NLRP8: variants seen among roughly 807,000 people sequenced by gnomAD.
NLRP8 encodes the protein NACHT, LRR and PYD domains-containing protein 8.
A neutral mutation model predicts 88.7 loss-of-function variants in NLRP8; 86 were observed. The observed-to-expected ratio is 0.97, with a 90% CI of 0.81 to 1.16. The LOEUF is 1.16. NLRP8 is among the 50% of genes most tolerant of loss of function. NLRP8 has a pLI of 0.00. For missense variants in NLRP8, 1,342 were observed against 1,286.5 expected (o/e 1.04, Z -0.66); for synonymous variants, 504 against 494.6 (o/e 1.02, Z -0.25).
intron 9 of NLRP8, among the ~76,000 whole-genome samples, chr19:55,983,454 A>G: frequency 9.5e-6 from 1 of 105,086 alleles, no homozygotes; most frequent in African/African-American, 4.2e-5. Flanking sequence ...ACAGAATGAG[A>G]CTCCATCTCA....
Position 55,955,175 on chromosome 19 carries a change from A to C in NLRP8, c.1117A>C (p.Thr373Pro). The C allele has an allele frequency of 1.2e-6, 2 of 1,614,146 alleles. No homozygotes were observed. Among genetic ancestry groups the C allele is most frequent in the Non-Finnish European group, 1.7e-6 (2 of 1,179,986 alleles). ...GTATTTCCAGATGTATTTTGGACAC[A>C]CAGAGGAGGGAGACCAAGTCTTGAG... Residue 373 changes from threonine to proline, a missense_variant, in exon 3 of 10, where the codon ACA becomes CCA. Coordinates refer to ENST00000291971, the MANE Select transcript of NLRP8 (RefSeq NM_176811.2).
rs139378211 is a variant in NLRP8, at chr19:55,972,428, G to A, written c.2535-1224G>A. ...CTGCACCTAGTCTTTTTTTTTTTCAGGTTTTAATTTTTATTTCAATAAGTT... is the reference window on the plus strand; with the variant it reads ...CTGCACCTAGTCTTTTTTTTTTTCAAGTTTTAATTTTTATTTCAATAAGTT... On this transcript the variant is annotated intron_variant, in intron 6 of 9. Transcript: ENST00000291971. 3.9e-3 allele frequency among the ~76,000 whole-genome samples: 582 copies of A among 150,726 alleles called. 6 individuals carry two copies. The highest frequency in any genetic ancestry group is 0.014 in the African/African-American group (556 of 41,106).
Position 55,957,675 on chromosome 19 carries a change from ATATATATATATATATATATATATATATAT to A in NLRP8, c.2042+1576_2042+1604del, listed in dbSNP as rs1979427146. ...TCTTAAAAAAGAAAAAATAATAATT[ATATATATATATATATATATATATATATAT>A]ATATATATATATATATATATAAAAT... On this transcript the variant is annotated intron_variant, in intron 3 of 9. Transcript: ENST00000291971. 4.0e-4 allele frequency among the ~76,000 whole-genome samples: 42 copies of A among 105,574 alleles called. 5 individuals are homozygous for A. Among genetic ancestry groups the A allele is most frequent in the East Asian group, 6.7e-4 (3 of 4,484 alleles). The allele number at this position is 105,574 out of a possible 152,430, so 69.3% of individuals were successfully genotyped here.
chr19:55,963,108 G>A (rs1045243031), intron 4 of NLRP8, among the ~76,000 whole-genome samples: 1 of 152,030 alleles, frequency 6.6e-6, no homozygotes, highest in Non-Finnish European at 1.5e-5. Flanking sequence ...CCCCCTCCAG[G>A]GTTCAAGCAA....
chr19:55,974,735 CAAA>C (rs550499918), intron 7 of NLRP8, among the ~76,000 whole-genome samples: 1 of 78,466 alleles, frequency 1.3e-5, no homozygotes. Context: ...GACTCTGTCT[CAAA>C]AAAAAAAAAA....
intron 5 of NLRP8, among the ~76,000 whole-genome samples, chr19:55,969,798 G>C (rs147891658): frequency 6.6e-6 from 1 of 152,084 alleles, no homozygotes; most frequent in Non-Finnish European, 1.5e-5. Context: ...GATAATCTCC[G>C]CATTTCATTA....
intron 3 of NLRP8, among the ~76,000 whole-genome samples, chr19:55,956,455 G>A (rs1979361940): frequency 6.6e-6 from 1 of 152,104 alleles, no homozygotes; most frequent in Non-Finnish European, 1.5e-5. Flanking sequence ...TGTTGGCCAG[G>A]CTGGTCTCAA....
In NLRP8 at chr19:55,955,553, G is replaced by A; in HGVS notation, c.1495G>A (p.Glu499Lys). The A allele has an allele frequency of 1.2e-6, 2 of 1,614,212 alleles. No individual in the cohort carries two copies. The highest frequency in any genetic ancestry group is 1.7e-6 in the Non-Finnish European group (2 of 1,180,036). Residue 499 changes from glutamate to lysine, a missense_variant, in exon 3 of 10, where the codon GAG becomes AAG. Glu to Lys is a moderately conservative substitution (Grantham distance 56). Coordinates refer to ENST00000291971, the MANE Select transcript of NLRP8 (RefSeq NM_176811.2). The stretch of plus-strand genomic sequence containing the variant: ...GAGTATTCTTCGGAGAATTGCAGGT[G>A]AGGAAGACCACTATGTCTTTACCCT...
rs371309780 is a variant in NLRP8 at position 55,955,204 on chromosome 19, C to T, written c.1146C>T (p.Phe382=). ...AGGAGGGAGACCAAGTCTTGAGTTT[C>T]GCCATGGAAAACACCATTCTCTTCT... Residue 382 remains phenylalanine (F), a synonymous_variant, in exon 3 of 10, where the codon TTC becomes TTT. Transcript: ENST00000291971. 18 of 1,614,020 alleles carry T rather than the reference C, an allele frequency of 1.1e-5. No homozygotes were observed. The highest frequency in any genetic ancestry group is 8.0e-5 in the African/African-American group (6 of 74,934).
chr19:55,953,892 C>T (rs1284750899), intron 2 of NLRP8, among the ~76,000 whole-genome samples: 1 of 149,894 alleles, frequency 6.7e-6, no homozygotes, highest in African/African-American at 2.5e-5. Context: ...ACCTCTGCCG[C>T]CTGGATTCAA....
chr19:55,961,908 G>A (rs1479118826), intron 3 of NLRP8, among the ~76,000 whole-genome samples, 159 bp from the exon 4 acceptor site: 9 of 152,146 alleles, frequency 5.9e-5, no homozygotes, highest in Admixed American at 3.9e-4. Context: ...GAGAAACCTC[G>A]TGATGGTTTT....
At chr19:55,949,250 A>G (rs915604807) in intron 1 of NLRP8, among the ~76,000 whole-genome samples, 30 of 151,308 alleles carry the variant, frequency 2.0e-4, no homozygotes, top group Admixed American at 1.1e-3. Flanking sequence ...TTTTTTTTCT[A>G]TTTTGAGATG....
intron 8 of NLRP8, among the ~76,000 whole-genome samples, chr19:55,978,022 A>C (rs1980419461): frequency 6.6e-6 from 1 of 152,140 alleles, no homozygotes; most frequent in African/African-American, 2.4e-5. Flanking sequence ...TCTACACTTG[A>C]AAGTGTTTAT....
chr19:55,976,165 G>A lies in NLRP8; in HGVS notation c.2738G>A (p.Cys913Tyr), dbSNP rs554613646. The A allele has an allele frequency of 1.9e-6, 3 of 1,609,272 alleles. No individual in the cohort carries two copies. The Admixed American group carries it at 5.1e-5, about 28-fold the overall frequency. Residue 913 changes from cysteine to tyrosine, a missense_variant, in exon 8 of 10, where the codon TGT becomes TAT. Transcript: ENST00000291971. ...AAGTGTGACTTGACCTTTAATTGCT[G>A]TCAGGATATGATCTCTGCGCTCTGT...
rs146626425 is a variant in NLRP8 at position 55,965,039 on chromosome 19, A to G, written c.2214-1174A>G. 3.8e-3 allele frequency among the ~76,000 whole-genome samples: 573 copies of G among 152,098 alleles called. 5 individuals are homozygous for G. The highest frequency in any genetic ancestry group is 0.013 in the African/African-American group (537 of 41,502). ...GGTGGCCCATGACTGTAGTCCCAAC[A>G]CTTTGGGAGGCTGAGCCAGTAGGAT... On this transcript the variant is annotated intron_variant, in intron 4 of 9. Coordinates refer to ENST00000291971, the MANE Select transcript of NLRP8 (RefSeq NM_176811.2).
At position 55,947,866 on chromosome 19, in the gene NLRP8, A is replaced by G. The variant is rs781686057; in HGVS notation, c.-37A>G. 2 of 1,570,514 alleles carry G rather than the reference A, an allele frequency of 1.3e-6. No individual in the cohort carries two copies. Among genetic ancestry groups the G allele is most frequent in the East Asian group, 4.5e-5 (2 of 44,380 alleles). On this transcript the variant is annotated 5_prime_UTR_variant, in exon 1 of 10. Coordinates refer to ENST00000291971, the MANE Select transcript of NLRP8 (RefSeq NM_176811.2). Reference sequence around the variant, plus strand: ...TTCTCTCTTCCAATCGGTTGTCTTTATCGTGGACACTGAGGTGTTCTCTGC... The same window carrying G: ...TTCTCTCTTCCAATCGGTTGTCTTTGTCGTGGACACTGAGGTGTTCTCTGC...
At position 55,947,996 on chromosome 19, in the gene NLRP8, T is replaced by C. The variant is rs771744293; in HGVS notation, c.94T>C (p.Tyr32His). ...TATTCCGCCCTGGACATTCTCTTGC[T>C]ACCCCGGCTCCCCATGTGAAAATGG... Residue 32 changes from tyrosine (Y) to histidine (H), a missense_variant, in exon 1 of 10, where the codon TAC (tyrosine) becomes CAC (histidine). Transcript: ENST00000291971. 6.2e-7 allele frequency: 1 copy of C among 1,614,126 alleles called. No individual in the cohort carries two copies. Among genetic ancestry groups the C allele is most frequent in the Non-Finnish European group, 8.5e-7 (1 of 1,180,032 alleles).
chr19:55,953,892 C>G (rs1284750899), intron 2 of NLRP8, among the ~76,000 whole-genome samples: 1 of 149,894 alleles, frequency 6.7e-6, no homozygotes, highest in South Asian at 2.1e-4. Context: ...ACCTCTGCCG[C>G]CTGGATTCAA....
intron 3 of NLRP8, among the ~76,000 whole-genome samples, chr19:55,961,054 C>G (rs1393627317): frequency 6.6e-6 from 1 of 151,984 alleles, no homozygotes; most frequent in African/African-American, 2.4e-5. Flanking sequence ...AGGTGCCCAC[C>G]ACCACACCTG....
Sources: gnomAD v4.1 joint callset for allele counts (sites outside exome capture counted in the v4.1 genomes callset) on GRCh38, gnomAD v4.1.1 for gene constraint, MANE v1.5 for transcripts, NCBI Gene and HGNC (gene_info 2026-07-23, HGNC 2026-07-21) for gene names.